The following COL5A2 variants were observed in gnomAD, a reference collection of about 807,000 sequenced individuals.
COL5A2 encodes the protein collagen alpha-2(V) chain.
Under a neutral mutation model 208.2 loss-of-function variants are expected in COL5A2, and 23 were observed. The observed-to-expected ratio is 0.11, with a 90% CI of 0.08 to 0.16. The LOEUF is 0.16. Among genes scored for constraint, COL5A2 ranks in the 10% least tolerant of loss-of-function variants. The pLI is 1.00. For synonymous variants in COL5A2, 625 were observed against 628.5 expected (o/e 0.99, Z 0.08); for missense variants, 1,590 against 1,956.4 (o/e 0.81, Z 3.53).
At chr2:189,341,194 TAATTC>T in the COL5A2 span, among the ~76,000 whole-genome samples, 6 of 152,306 alleles carry the variant, frequency 3.9e-5, no homozygotes, top group East Asian at 1.2e-3. Flanking sequence ...GAAAGTCCCA[TAATTC>T]TAACATGACT....
the COL5A2 span, among the ~76,000 whole-genome samples, chr2:189,308,521 C>T: frequency 6.6e-6 from 1 of 152,164 alleles, no homozygotes; most frequent in Admixed American, 6.5e-5. Context: ...AATCCCCATT[C>T]CTGTCTAGGC....
the COL5A2 span, among the ~76,000 whole-genome samples, chr2:189,375,259 C>T: frequency 2.3e-4 from 35 of 152,154 alleles, 1 homozygote; most frequent in East Asian, 1.9e-3. Context: ...CCTCGTGATC[C>T]GCCCACCTCG....
At chr2:189,322,977 T>G in the COL5A2 span, among the ~76,000 whole-genome samples, 1 of 131,704 alleles carries the variant, frequency 7.6e-6, no homozygotes, top group South Asian at 2.9e-4. Context: ...TCCACCATGA[T>G]CAGGTGGGCT....
the COL5A2 span, among the ~76,000 whole-genome samples, chr2:189,440,982 AATG>A: frequency 1.1e-4 from 17 of 152,314 alleles, no homozygotes; most frequent in African/African-American, 4.1e-4. Context: ...AAGAACGGCT[AATG>A]AGAGGAACAA....
chr2:189,290,756 ATT>A, the COL5A2 span, among the ~76,000 whole-genome samples: 4 of 150,076 alleles, frequency 2.7e-5, no homozygotes, highest in African/African-American at 4.9e-5. Context: ...ACACACACAC[ATT>A]ATTATATACA....
rs552245785 is a variant in COL5A2 at position 189,193,503 on chromosome 2, C to A, written c.-42+31645G>T. Among the ~76,000 whole-genome samples the A allele has an allele frequency of 6.6e-5, 10 of 152,280 alleles. No individual in the cohort carries two copies. In the East Asian group the frequency reaches 1.9e-3, roughly 29 times the overall value. On this transcript the variant is annotated intron_variant, in intron 1 of 10. Coordinates refer to the COL5A2 transcript ENST00000649966. ...TGGAACGGTGATAATGCAAAAATGA[C>A]ATTTGTTGATCCTAAGTCTTTGTTC...
chr2:189,072,566 G>A (rs544994394), intron 17 of COL5A2, among the ~76,000 whole-genome samples: 2 of 152,214 alleles, frequency 1.3e-5, no homozygotes, highest in African/African-American at 4.8e-5. Context: ...GAGGTCAGGA[G>A]TTCGAGACCA....
chr2:189,075,432 T>C lies in COL5A2; in HGVS notation c.1065A>G (p.Gln355=). Residue 355 remains glutamine, a synonymous_variant, in exon 17 of 54, where the codon CAA becomes CAG. Transcript: ENST00000374866. ...TTCCAGGCATACCATGTGCACCTCG[T>C]TGTCCCTAATTAAGAGAAAAAGAGA... The part of the protein sequence containing the change: ...GRLGPQGAPG[Q]RGAHGMPGKP... 6.2e-7 allele frequency: 1 copy of C among 1,605,862 alleles called. No homozygotes were observed. Among genetic ancestry groups the C allele is most frequent in the Non-Finnish European group, 8.5e-7 (1 of 1,172,936 alleles).
the COL5A2 span, among the ~76,000 whole-genome samples, chr2:189,331,924 TG>T: frequency 7.1e-6 from 1 of 140,146 alleles, no homozygotes; most frequent in African/African-American, 2.7e-5. Context: ...CACTCCAGCC[TG>T]GGCGACAGAG....
At chr2:189,267,799 A>T in the COL5A2 span, among the ~76,000 whole-genome samples, 43 of 152,182 alleles carry the variant, frequency 2.8e-4, no homozygotes, top group African/African-American at 1.0e-3. Context: ...TGGTTTACTA[A>T]AAGTCATTTG....
chr2:189,223,243 AT>A (rs1039520391), intron 1 of COL5A2, among the ~76,000 whole-genome samples: 1 of 152,132 alleles, frequency 6.6e-6, no homozygotes, highest in Non-Finnish European at 1.5e-5. Context: ...CAAATTTAAC[AT>A]TTTTTTCCTC....
the COL5A2 span, among the ~76,000 whole-genome samples, chr2:189,432,452 A>G: frequency 7.2e-5 from 11 of 152,212 alleles, no homozygotes; most frequent in Non-Finnish European, 1.0e-4. Flanking sequence ...ACATGCAGAG[A>G]CACACATAGG....
At chr2:189,412,056 T>C in the COL5A2 span, among the ~76,000 whole-genome samples, 1 of 152,180 alleles carries the variant, frequency 6.6e-6, no homozygotes, top group South Asian at 2.1e-4. Flanking sequence ...TGTTTCAGTT[T>C]ACATACTTTA....
chr2:189,246,142 G>A, the COL5A2 span, among the ~76,000 whole-genome samples: 1 of 152,162 alleles, frequency 6.6e-6, no homozygotes, highest in African/African-American at 2.4e-5. Context: ...AAAAAAGTAT[G>A]TAATGTGGAA....
intron 1 of COL5A2, among the ~76,000 whole-genome samples, chr2:189,116,550 A>G (rs1256071917): frequency 6.6e-6 from 1 of 152,008 alleles, no homozygotes; most frequent in Non-Finnish European, 1.5e-5. Flanking sequence ...TACTTTGACA[A>G]TTTTTTTCTA....
chr2:189,064,704 A>G, intron 24 of COL5A2, 49 bp from the exon 25 acceptor site: 1 of 1,271,122 alleles, frequency 7.9e-7, no homozygotes, highest in Non-Finnish European at 1.2e-6. Context: ...ATAGAAAAAC[A>G]AAAGCAAGCA....
At chr2:189,161,741 T>G (rs1245832192) in intron 1 of COL5A2, among the ~76,000 whole-genome samples, 2 of 152,214 alleles carry the variant, frequency 1.3e-5, no homozygotes, top group African/African-American at 4.8e-5. Flanking sequence ...GTTTGAGAGA[T>G]GGTCTTTACC....
the COL5A2 span, among the ~76,000 whole-genome samples, chr2:189,417,403 T>G: frequency 2.7e-5 from 4 of 150,674 alleles, no homozygotes; most frequent in African/African-American, 4.9e-5. Context: ...CTGTGACATG[T>G]TTTGATTTCT....
intron 13 of COL5A2, among the ~76,000 whole-genome samples, chr2:189,080,687 C>T (rs75506221): frequency 0.02 from 3,007 of 152,188 alleles, 31 homozygotes; most frequent in Middle Eastern, 0.034. Context: ...CCTTTTCATC[C>T]GTATCCCCCA....
Sources: gnomAD v4.1 joint callset for allele counts (sites outside exome capture counted in the v4.1 genomes callset) on GRCh38, gnomAD v4.1.1 for gene constraint, MANE v1.5 for transcripts, NCBI Gene and HGNC (gene_info 2026-07-23, HGNC 2026-07-21) for gene names.